Variants in ANK3 observed in about 807,000 individuals in gnomAD.
ANK3 encodes ankyrin 3, also known as ankyrin-3.
In ANK3, 57 loss-of-function variants were observed where a neutral mutation model predicts 370.9. That is an observed-to-expected ratio of 0.15 (90% CI 0.12 to 0.19). The LOEUF (loss-of-function observed/expected upper bound fraction) is 0.19, where lower values mean the gene tolerates loss of function less well. ANK3 is among the 10% of genes least tolerant of loss of function. ANK3 has a pLI of 1.00. For synonymous variants in ANK3, 1,929 were observed against 1,946.3 expected (o/e 0.99, Z 0.23); for missense variants, 4,439 against 5,302.1 (o/e 0.84, Z 5.06).
chr10:60,441,913 C>T (rs1394109251), intron 2 of ANK3, among the ~76,000 whole-genome samples: 1 of 152,040 alleles, frequency 6.6e-6, no homozygotes, highest in Non-Finnish European at 1.5e-5. Flanking sequence ...TTTCACTCAG[C>T]AGAATTTTAA....
At chr10:60,182,807 G>T (rs1360921558) in intron 17 of ANK3, among the ~76,000 whole-genome samples, 1 of 152,152 alleles carries the variant, frequency 6.6e-6, no homozygotes, top group African/African-American at 2.4e-5. Context: ...ACTGAATAAA[G>T]GGGGAAATGT....
At chr10:60,471,046 A>G (rs2065206122) in intron 2 of ANK3, among the ~76,000 whole-genome samples, 1 of 152,132 alleles carries the variant, frequency 6.6e-6, no homozygotes, top group Non-Finnish European at 1.5e-5. Context: ...AACAATATCA[A>G]TATTAGCACT....
At chr10:60,601,170 A>AAGGC (rs367892273) in intron 2 of ANK3, among the ~76,000 whole-genome samples, 34,753 of 139,740 alleles carry the variant, frequency 0.25, 4,356 homozygotes, top group African/African-American at 0.35. Flanking sequence ...ACATTTATAC[A>AAGGC]ACGCACACAC....
At position 60,437,058 on chromosome 10, in the gene ANK3, C is replaced by T. The variant is rs869634; in HGVS notation, c.97-157419G>A. Reference sequence around the variant, plus strand: ...CCTTTCTTCCACCTGGAACACTGCTCCTCTTAACCAAGCCTCTGGTTGAAC... The same window carrying T: ...CCTTTCTTCCACCTGGAACACTGCTTCTCTTAACCAAGCCTCTGGTTGAAC... On this transcript the variant is annotated intron_variant, in intron 2 of 43. Transcript: ENST00000373827. Among the ~76,000 whole-genome samples, 315 of 152,290 alleles carry T rather than the reference C, an allele frequency of 2.1e-3. 2 individuals are homozygous for T. Among genetic ancestry groups the T allele is most frequent in the African/African-American group, 7.2e-3 (298 of 41,560 alleles).
At chr10:60,049,704 C>A (rs764112790) in intron 42 of ANK3, among the ~76,000 whole-genome samples, 1 of 152,100 alleles carries the variant, frequency 6.6e-6, no homozygotes, top group Non-Finnish European at 1.5e-5. Flanking sequence ...ATGTTATAAT[C>A]ATATTTTAAG....
At chr10:60,534,201 C>T (rs1443167273) in intron 2 of ANK3, among the ~76,000 whole-genome samples, 5 of 152,138 alleles carry the variant, frequency 3.3e-5, no homozygotes, top group Non-Finnish European at 7.4e-5. Context: ...ATCCCTCTAG[C>T]ACATAATTTC....
chr10:60,284,486 G>C (rs112192839), intron 1 of ANK3, among the ~76,000 whole-genome samples: 87 of 152,246 alleles, frequency 5.7e-4, no homozygotes, highest in African/African-American at 1.9e-3. Context: ...AACCCAGTCT[G>C]GCTCTGGAGT....
intron 2 of ANK3, among the ~76,000 whole-genome samples, chr10:60,493,048 C>G (rs1365160104): frequency 6.8e-6 from 1 of 147,658 alleles, no homozygotes; most frequent in Non-Finnish European, 1.5e-5. Context: ...TCACTGCACT[C>G]CAGCCTGGGC....
At chr10:60,701,463 C>T (rs546796499) in intron 1 of ANK3, among the ~76,000 whole-genome samples, 7 of 151,476 alleles carry the variant, frequency 4.6e-5, no homozygotes, top group African/African-American at 1.2e-4. Flanking sequence ...AATGAAAAGA[C>T]GAGGCAATTC....
At chr10:60,557,159 A>C (rs2133242191) in intron 2 of ANK3, among the ~76,000 whole-genome samples, 1 of 152,328 alleles carries the variant, frequency 6.6e-6, no homozygotes, top group East Asian at 1.9e-4. Flanking sequence ...ACCCAAAAGA[A>C]CTGGAAACAG....
At chr10:60,658,408 A>G (rs2078894420) in intron 1 of ANK3, among the ~76,000 whole-genome samples, 1 of 151,960 alleles carries the variant, frequency 6.6e-6, no homozygotes, top group Non-Finnish European at 1.5e-5. Flanking sequence ...TTTTCTAATT[A>G]TAGTTGATAC....
chr10:60,388,690 A>T (rs913872484), intron 1 of ANK3, among the ~76,000 whole-genome samples: 2 of 152,176 alleles, frequency 1.3e-5, no homozygotes, highest in African/African-American at 2.4e-5. Context: ...ATCAGTAAGG[A>T]ATCATCAATG....
chr10:60,661,946 C>T (rs909543195), intron 1 of ANK3, among the ~76,000 whole-genome samples: 5 of 152,146 alleles, frequency 3.3e-5, no homozygotes, highest in African/African-American at 9.7e-5. Flanking sequence ...TGAACCAGAT[C>T]GTCTGGTTCC....
chr10:60,304,957 T>C (rs1233897738), intron 1 of ANK3, among the ~76,000 whole-genome samples: 1 of 152,176 alleles, frequency 6.6e-6, no homozygotes, highest in Non-Finnish European at 1.5e-5. Flanking sequence ...TGTTTCTCAA[T>C]TGACATACAG....
chr10:60,186,655 CCTTT>C, intron 17 of ANK3, 56 bp downstream of exon 17: 1 of 1,524,802 alleles, frequency 6.6e-7, no homozygotes, highest in African/African-American at 1.4e-5. Context: ...TTCTTAGTGA[CCTTT>C]CTGAGGGGTG....
At chr10:60,547,750 C>T (rs1317239564) in intron 2 of ANK3, among the ~76,000 whole-genome samples, 1 of 151,842 alleles carries the variant, frequency 6.6e-6, no homozygotes, top group African/African-American at 2.4e-5. Flanking sequence ...GAGAATTGCC[C>T]TTATCAAGCA....
chr10:60,240,127 T>TACACAC (rs1565914760), intron 7 of ANK3, among the ~76,000 whole-genome samples: 2 of 94,920 alleles, frequency 2.1e-5, no homozygotes, highest in African/African-American at 7.7e-5. Flanking sequence ...TACACACATA[T>TACACAC]ATATACATAT....
intron 7 of ANK3, among the ~76,000 whole-genome samples, chr10:60,242,221 C>T (rs1355932104): frequency 6.6e-6 from 1 of 152,130 alleles, no homozygotes; most frequent in Admixed American, 6.5e-5. Flanking sequence ...TTGCCTTCTA[C>T]TTTTAGGAAA....
At chr10:60,130,698 G>C (rs1363480719) in intron 25 of ANK3, among the ~76,000 whole-genome samples, 1 of 152,190 alleles carries the variant, frequency 6.6e-6, no homozygotes, top group East Asian at 1.9e-4. Flanking sequence ...TGCTTCCCAT[G>C]AGTCTTGCAC....
Sources: allele counts gnomAD v4.1 joint callset (sites outside exome capture counted in the v4.1 genomes callset), GRCh38; gene constraint gnomAD v4.1.1; transcripts MANE v1.5; gene names NCBI Gene and HGNC (gene_info 2026-07-23, HGNC 2026-07-21).